Variants in SUMF1 observed in about 807,000 individuals in gnomAD.
SUMF1 encodes formylglycine-generating enzyme.
SUMF1 carries 48 observed loss-of-function variants against 47.6 expected under a neutral mutation model. The observed-to-expected ratio is 1.01, with a 90% CI of 0.80 to 1.28. The LOEUF is 1.28. Among genes scored for constraint, SUMF1 ranks in the 50% most tolerant of loss-of-function variants. SUMF1 has a pLI of 0.00. For synonymous variants in SUMF1, 230 were observed against 192.1 expected, an observed-to-expected ratio of 1.20 and a Z score of -1.63; for missense variants, 571 against 485.4, an observed-to-expected ratio of 1.18 and a Z score of -1.66.
chr3:4,202,278 G>A (rs1430904539), intron 8 of SUMF1, among the ~76,000 whole-genome samples: 4 of 151,866 alleles, frequency 2.6e-5, no homozygotes, highest in Non-Finnish European at 5.9e-5. Flanking sequence ...TTTGATTTTT[G>A]TATATGGCAA....
At position 4,121,711 on chromosome 3, in the gene SUMF1, G is replaced by A. The variant is rs149422255; in HGVS notation, c.1015-52966C>T. 1.2e-4 allele frequency among the ~76,000 whole-genome samples: 19 copies of A among 152,222 alleles called. No homozygotes were observed. The East Asian group carries it at 3.7e-3, about 29-fold the overall frequency. On this transcript the variant is annotated intron_variant and NMD_transcript_variant, in intron 8 of 12. Transcript: ENST00000448413. The stretch of plus-strand genomic sequence containing the variant: ...CTATATATGCATGTTCATAGCAGCA[G>A]CACTATTTTTTTATTTAACTTTTAA...
At chr3:4,153,042 T>G (rs1323531505) in intron 8 of SUMF1, among the ~76,000 whole-genome samples, 1 of 151,528 alleles carries the variant, frequency 6.6e-6, no homozygotes. Flanking sequence ...TTCTGAGAAC[T>G]GCAAGCGAGC....
intron 8 of SUMF1, among the ~76,000 whole-genome samples, chr3:4,173,697 C>A (rs1694884765): frequency 6.6e-6 from 1 of 152,034 alleles, no homozygotes; most frequent in Admixed American, 6.5e-5. Flanking sequence ...TACTATGCAG[C>A]CATAAGAAAG....
chr3:4,428,502 T>C (rs1259986928), intron 3 of SUMF1, among the ~76,000 whole-genome samples: 1 of 152,036 alleles, frequency 6.6e-6, no homozygotes, highest in African/African-American at 2.4e-5. Flanking sequence ...TACAGGCACA[T>C]GCCACCACAC....
intron 8 of SUMF1, among the ~76,000 whole-genome samples, chr3:4,171,622 T>A (rs1433595339): frequency 6.6e-6 from 1 of 152,138 alleles, no homozygotes; most frequent in Non-Finnish European, 1.5e-5. Context: ...AACCCTCTGA[T>A]ATGGAAGCAC....
rs190037692 is a variant in SUMF1, at chr3:4,302,570, G to A, written c.1014+73760C>T. 1.1e-3 allele frequency among the ~76,000 whole-genome samples: 174 copies of A among 152,236 alleles called. 1 individual carries two copies. The highest frequency in any genetic ancestry group is 5.8e-3 in the Admixed American group (89 of 15,308). ...TTTTCCTGAATTCCAAAAGGAAGAA[G>A]GGCATAATGAGGCATGTTGGACCCC... On this transcript the variant is annotated intron_variant and NMD_transcript_variant, in intron 8 of 12. Coordinates refer to the SUMF1 transcript ENST00000448413.
chr3:4,117,585 T>C lies in SUMF1; in HGVS notation c.1015-48840A>G, dbSNP rs370924137. Among the ~76,000 whole-genome samples, 13 of 152,170 alleles carry C rather than the reference T, an allele frequency of 8.5e-5. 2 individuals are homozygous for C. The highest frequency in any genetic ancestry group is 6.5e-5 in the Admixed American group (1 of 15,292). On this transcript the variant is annotated intron_variant and NMD_transcript_variant, in intron 8 of 12. Transcript: ENST00000448413. Reference sequence around the variant, plus strand: ...AGTCAGAAGGCCTTGATGACCTTATTAGCCTCTCCTCTTAATTGGGTAGGA... The same window carrying C: ...AGTCAGAAGGCCTTGATGACCTTATCAGCCTCTCCTCTTAATTGGGTAGGA...
In SUMF1 at chr3:4,270,565, A is replaced by G. The variant is rs1315897191; in HGVS notation, c.1014+105765T>C. Among the ~76,000 whole-genome samples the G allele has an allele frequency of 4.6e-5, 7 of 152,308 alleles. No homozygotes were observed. In the South Asian group the frequency reaches 1.0e-3, roughly 23 times the overall value. ...AAGGATTCTGCCATAACAAGGGTATATATTTACAGAGACAAAAGGAATTGA... is the reference window on the plus strand; with the variant it reads ...AAGGATTCTGCCATAACAAGGGTATGTATTTACAGAGACAAAAGGAATTGA... On this transcript the variant is annotated intron_variant and NMD_transcript_variant, in intron 8 of 12. Transcript: ENST00000448413.
chr3:4,392,155 G>C (rs956280871), intron 7 of SUMF1, among the ~76,000 whole-genome samples: 4 of 152,026 alleles, frequency 2.6e-5, no homozygotes, highest in African/African-American at 9.7e-5. Context: ...TCTACCTTCA[G>C]GATCACTGAA....
At chr3:4,212,020 T>TC (rs1260387744) in intron 8 of SUMF1, among the ~76,000 whole-genome samples, 2 of 152,286 alleles carry the variant, frequency 1.3e-5, no homozygotes, top group African/African-American at 4.8e-5. Context: ...GATGTAAACG[T>TC]CCCTGCCTGA....
chr3:4,381,358 G>A (rs1370333921), intron 7 of SUMF1, among the ~76,000 whole-genome samples: 4 of 152,130 alleles, frequency 2.6e-5, no homozygotes, highest in African/African-American at 4.8e-5. Flanking sequence ...AGGGGGTGAC[G>A]GATAAAAGGC....
Position 4,418,125 on chromosome 3 carries a change from GAT to G in SUMF1, c.608_609del (p.Asp203AlafsTer10). On this transcript the variant is annotated frameshift_variant, in exon 5 of 9. Coordinates refer to ENST00000272902, the MANE Select transcript of SUMF1 (RefSeq NM_182760.4). LOFTEE classifies it high-confidence loss of function. ...GPDSTILHRP[D>X]HPVLHVSWND... Reference sequence around the variant, plus strand: ...TTCCAGGACACATGGAGAACTGGATGATCCGGCCTGGGGAAGAGCAAAAGTAG... The same window carrying G: ...TTCCAGGACACATGGAGAACTGGATGCCGGCCTGGGGAAGAGCAAAAGTAG... The G allele has an allele frequency of 6.2e-7, 1 of 1,614,092 alleles. No individual in the cohort carries two copies. Among genetic ancestry groups the G allele is most frequent in the Non-Finnish European group, 8.5e-7 (1 of 1,180,026 alleles).
chr3:4,234,683 T>G (rs1259644644), intron 8 of SUMF1, among the ~76,000 whole-genome samples: 1 of 152,008 alleles, frequency 6.6e-6, no homozygotes, highest in East Asian at 1.9e-4. Flanking sequence ...CAGACTTTAG[T>G]GTTAAGGAAG....
chr3:4,456,748 A>ACG, intron 1 of SUMF1, among the ~76,000 whole-genome samples: 1 of 136,310 alleles, frequency 7.3e-6, no homozygotes, highest in African/African-American at 2.7e-5. Context: ...ATACACACAT[A>ACG]TATACGTGTG....
intron 1 of SUMF1, among the ~76,000 whole-genome samples, chr3:4,466,576 C>T (rs1408615151): frequency 6.6e-6 from 1 of 152,126 alleles, no homozygotes; most frequent in East Asian, 1.9e-4. Flanking sequence ...GCAGAGTGTA[C>T]TCGAGGAGAC....
chr3:4,168,744 G>C lies in SUMF1; in HGVS notation c.1015-99999C>G, dbSNP rs545753286. 6.6e-5 allele frequency among the ~76,000 whole-genome samples: 10 copies of C among 152,192 alleles called. No individual in the cohort carries two copies. The South Asian group carries it at 2.1e-3, about 32-fold the overall frequency. On this transcript the variant is annotated intron_variant and NMD_transcript_variant, in intron 8 of 12. Coordinates refer to the SUMF1 transcript ENST00000448413. ...CTCTCTAAGATTCATCTGTAAAGAG[G>C]AGACATTATATTACCCAGTATTGTG...
intron 3 of SUMF1, among the ~76,000 whole-genome samples, chr3:4,442,681 G>C (rs1057261936): frequency 6.9e-6 from 1 of 144,954 alleles, no homozygotes; most frequent in African/African-American, 2.5e-5. Flanking sequence ...AGAAGTAGTG[G>C]AGGAGGGGAA....
intron 8 of SUMF1, among the ~76,000 whole-genome samples, chr3:4,161,971 G>A (rs964829308): frequency 3.9e-5 from 6 of 152,016 alleles, no homozygotes; most frequent in African/African-American, 9.7e-5. Flanking sequence ...ATGTATTACC[G>A]GGCTACCACT....
intron 6 of SUMF1, among the ~76,000 whole-genome samples, chr3:4,411,361 T>C (rs1701536044): frequency 6.6e-6 from 1 of 152,150 alleles, no homozygotes; most frequent in African/African-American, 2.4e-5. Flanking sequence ...ATATGAGTCT[T>C]GTCATCACAG....
Sources: gnomAD v4.1 joint callset for allele counts (sites outside exome capture counted in the v4.1 genomes callset) on GRCh38, gnomAD v4.1.1 for gene constraint, MANE v1.5 for transcripts, NCBI Gene and HGNC (gene_info 2026-07-23, HGNC 2026-07-21) for gene names.